Variants in ARID4A observed in about 807,000 individuals in gnomAD.
The protein encoded by ARID4A is AT-rich interactive domain-containing protein 4A.
In ARID4A, 39 loss-of-function variants were observed where a neutral mutation model predicts 148.6. The ratio of observed to expected loss-of-function variants is 0.26; its 90% CI spans 0.20 to 0.34. ARID4A has a LOEUF of 0.34. Among genes scored for constraint, ARID4A ranks in the 10% least tolerant of loss-of-function variants. ARID4A has a pLI of 1.00. For synonymous variants in ARID4A, 475 were observed against 481.2 expected (o/e 0.99, Z 0.17); for missense variants, 1,265 against 1,449.1 (o/e 0.87, Z 2.06).
At chr14:58,313,803 C>A (rs2032218434) in intron 5 of ARID4A, among the ~76,000 whole-genome samples, 1 of 152,226 alleles carries the variant, frequency 6.6e-6, no homozygotes, top group African/African-American at 2.4e-5. Context: ...GTTCTGATGT[C>A]CAAGGGCAGA....
At chr14:58,366,596 CTATAATTATAGATAGG>C (rs1324392929) in intron 22 of ARID4A, among the ~76,000 whole-genome samples, 2 of 152,124 alleles carry the variant, frequency 1.3e-5, no homozygotes, top group Non-Finnish European at 2.9e-5. Context: ...ATTCTGATAA[CTATAATTATAGATAGG>C]TCAGGGTTAG....
chr14:58,366,911 G>C lies in ARID4A; in HGVS notation c.3552G>C (p.Glu1184Asp), dbSNP rs144766325. 114 of 1,515,440 alleles carry C rather than the reference G, an allele frequency of 7.5e-5. No homozygotes were observed. The highest frequency in any genetic ancestry group is 9.3e-5 in the Non-Finnish European group (106 of 1,141,744). The allele number at this position is 1,515,440 out of a possible 1,614,324, so 93.9% of individuals were successfully genotyped here. A position where few individuals can be genotyped will look rare whatever the true frequency, so the allele number is the denominator to read the frequency against. The stretch of plus-strand genomic sequence containing the variant: ...AATTAGATAATATGAACAGTACAGA[G>C]AGAATCTCATTTCTCCAAGAAAAAC... ...LNELDNMNST[E>D]RISFLQEKLQ... is the part of the protein sequence containing the mutation. Residue 1184 changes from glutamate (E) to aspartate (D), a missense_variant, in exon 23 of 24, where the codon GAG becomes GAC. Physicochemically the swap from Glu to Asp is conservative, Grantham distance 45. This residue lies in a region of ARID4A where 666 missense variants were observed against 730.9 expected (regional missense o/e 0.91). Coordinates refer to ENST00000355431, the MANE Select transcript of ARID4A (RefSeq NM_002892.4).
In ARID4A at chr14:58,323,624, A is replaced by G. The variant is rs2033041609; in HGVS notation, c.582+7A>G. ...TGAATGGTATCCTGCTTTGGTAAGT[A>G]AAGTTTCTTTGCAGAGTTAATCAGC... On this transcript the variant is annotated splice_region_variant and intron_variant, in intron 8 of 23. Transcript: ENST00000355431. The G allele has an allele frequency of 1.2e-6, 2 of 1,610,432 alleles. No homozygotes were observed. The highest frequency in any genetic ancestry group is 1.7e-6 in the Non-Finnish European group (2 of 1,177,648).
At chr14:58,327,205 T>G (rs1196908408) in intron 8 of ARID4A, among the ~76,000 whole-genome samples, 1 of 152,206 alleles carries the variant, frequency 6.6e-6, no homozygotes, top group Non-Finnish European at 1.5e-5. Context: ...TTTAGCACCA[T>G]GTGACTCACT....
At chr14:58,318,848 A>G in intron 7 of ARID4A, 43 bp downstream of exon 7, 2 of 1,498,120 alleles carry the variant, frequency 1.3e-6, no homozygotes, top group Non-Finnish European at 1.9e-6. Flanking sequence ...TACAATTATT[A>G]TAACCTTAAA....
chr14:58,341,209 A>C (rs987107223), intron 11 of ARID4A, among the ~76,000 whole-genome samples: 1 of 152,196 alleles, frequency 6.6e-6, no homozygotes, highest in African/African-American at 2.4e-5. Context: ...CCAATCCATC[A>C]AACTCATTCT....
chr14:58,341,399 A>C (rs1324848522), intron 11 of ARID4A, among the ~76,000 whole-genome samples: 1 of 152,208 alleles, frequency 6.6e-6, no homozygotes, highest in Non-Finnish European at 1.5e-5. Flanking sequence ...CTGTAGCTCC[A>C]GGGCTGTCTA....
intron 11 of ARID4A, among the ~76,000 whole-genome samples, chr14:58,339,689 A>C (rs1050393527): frequency 6.6e-6 from 1 of 152,172 alleles, no homozygotes; most frequent in Non-Finnish European, 1.5e-5. Flanking sequence ...TCACGTTGTC[A>C]TAAAGAACTT....
chr14:58,356,668 G>A (rs2034879420), intron 17 of ARID4A, among the ~76,000 whole-genome samples: 1 of 148,752 alleles, frequency 6.7e-6, no homozygotes, highest in South Asian at 2.2e-4. Context: ...AAAGCTATAT[G>A]CATTCAGAAG....
At chr14:58,318,872 TA>T in intron 7 of ARID4A, 67 bp downstream of exon 7, 1 of 1,311,020 alleles carries the variant, frequency 7.6e-7, no homozygotes, top group Non-Finnish European at 1.1e-6. Flanking sequence ...GGGATTTTGT[TA>T]GGATGGCTAA....
intron 2 of ARID4A, 28 bp downstream of exon 2, chr14:58,299,888 C>T: frequency 3.7e-6 from 6 of 1,614,148 alleles, no homozygotes; most frequent in Non-Finnish European, 5.1e-6. Context: ...TGCCCCGATC[C>T]TCGCGCCCTG....
At chr14:58,353,951 C>T (rs1419718766) in intron 17 of ARID4A, 96 bp downstream of exon 17, 6 of 1,107,138 alleles carry the variant, frequency 5.4e-6, no homozygotes, top group South Asian at 3.1e-5. Flanking sequence ...AATAATGGTA[C>T]ATATTTACAA....
intron 3 of ARID4A, among the ~76,000 whole-genome samples, chr14:58,302,028 TTA>T (rs2031212941): frequency 6.6e-6 from 1 of 152,178 alleles, no homozygotes; most frequent in Non-Finnish European, 1.5e-5. Flanking sequence ...ACAACAGGAA[TTA>T]TGTTTTCAAG....
At chr14:58,302,325 C>G (rs1197386263) in intron 3 of ARID4A, among the ~76,000 whole-genome samples, 2 of 152,158 alleles carry the variant, frequency 1.3e-5, no homozygotes, top group Non-Finnish European at 2.9e-5. Context: ...GAAATCCTGT[C>G]TCTACTAAAA....
chr14:58,366,210 A>G lies in ARID4A; in HGVS notation c.3503A>G (p.Tyr1168Cys), dbSNP rs1594970118. ...CATCCGAATTCATCCCCTAGGACAT[A>G]TAAATGGAGCTTTCAGCTCAGTAAG... ...EKHPNSSPRT[Y>C]KWSFQLNELD... Residue 1168 changes from tyrosine to cysteine, a missense_variant, in exon 22 of 24, where the codon TAT becomes TGT. This residue lies in a region of ARID4A where 666 missense variants were observed against 730.9 expected (regional missense o/e 0.91). Coordinates refer to ENST00000355431, the MANE Select transcript of ARID4A (RefSeq NM_002892.4). 6.2e-7 allele frequency: 1 copy of G among 1,613,464 alleles called. No homozygotes were observed. Among genetic ancestry groups the G allele is most frequent in the Non-Finnish European group, 8.5e-7 (1 of 1,179,480 alleles).
At chr14:58,354,485 C>G (rs904629005) in intron 17 of ARID4A, among the ~76,000 whole-genome samples, 3 of 151,866 alleles carry the variant, frequency 2.0e-5, no homozygotes, top group African/African-American at 7.3e-5. Flanking sequence ...GAGTTCAAGA[C>G]CAGACCTGGC....
intron 20 of ARID4A, 51 bp from the exon 21 acceptor site, chr14:58,365,467 C>CTT (rs71107938): frequency 0.043 from 14,960 of 347,932 alleles, 200 homozygotes; most frequent in South Asian, 0.072. Flanking sequence ...TATACTTGCT[C>CTT]TTTTTTTTTT....
At chr14:58,365,487 T>TAAAAAATA in intron 20 of ARID4A, 31 bp from the exon 21 acceptor site, 1 of 1,266,258 alleles carries the variant, frequency 7.9e-7, no homozygotes, top group Non-Finnish European at 1.1e-6. Context: ...TTTTTTTTTT[T>TAAAAAATA]TTCAACATTC....
Position 58,365,467 on chromosome 14 carries a change from CTTTTTTTTT to C in ARID4A, c.3212-37_3212-29del, listed in dbSNP as rs71107938. 326 of 351,576 alleles carry C rather than the reference CTTTTTTTTT, an allele frequency of 9.3e-4. 4 individuals carry two copies. The highest frequency in any genetic ancestry group is 7.6e-3 in the South Asian group (197 of 25,804). The allele number at this position is 351,576 out of a possible 1,614,324, so 21.8% of individuals were successfully genotyped here. A position where few individuals can be genotyped will look rare whatever the true frequency, so the allele number is the denominator to read the frequency against. ...TAGTCTGTTGAATAATATACTTGCTCTTTTTTTTTTTTTTTTTTTTTTCAACATTCTCTC... is the reference window on the plus strand; with the variant it reads ...TAGTCTGTTGAATAATATACTTGCTCTTTTTTTTTTTTTCAACATTCTCTC... On this transcript the variant is annotated intron_variant, in intron 20 of 23. Transcript: ENST00000355431.
Sources: gnomAD v4.1 joint callset for allele counts (sites outside exome capture counted in the v4.1 genomes callset) on GRCh38, gnomAD v4.1.1 for gene constraint, gnomAD v4.1.1 regional missense constraint, MANE v1.5 for transcripts, NCBI Gene and HGNC (gene_info 2026-07-23, HGNC 2026-07-21) for gene names.